Variants in IMPG2 observed in about 807,000 individuals in gnomAD.
IMPG2 encodes the protein IPM 200.
IMPG2 carries 91 observed loss-of-function variants against 129.2 expected under a neutral mutation model. The ratio of observed to expected loss-of-function variants is 0.70; its 90% CI spans 0.59 to 0.84. The LOEUF (loss-of-function observed/expected upper bound fraction) is 0.84. Among genes scored for constraint, IMPG2 ranks in the 40% least tolerant of loss-of-function variants. IMPG2 has a pLI of 0.00. For synonymous variants in IMPG2, 510 were observed against 517.7 expected, an observed-to-expected ratio of 0.99 and a Z score of 0.20; for missense variants, 1,430 against 1,461.7, an observed-to-expected ratio of 0.98 and a Z score of 0.35.
In IMPG2 at chr3:101,244,562, G is replaced by A. The variant is rs777492848; in HGVS notation, c.1769C>T (p.Ser590Phe). ...LKVSPFLPDA[S>F]MEKELIFDGG... is the part of the protein sequence containing the mutation. ...GTCAAATATTAACTCTTTTTCCATG[G>A]ATGCATCTGGCAGGAAAGGGCTCAC... The change falls in exon 13 of 19, where the codon TCC (serine) becomes TTC (phenylalanine). Residue 590 changes from serine (S) to phenylalanine (F), a missense_variant. Coordinates refer to ENST00000193391, the MANE Select transcript of IMPG2 (RefSeq NM_016247.4). 6.3e-7 allele frequency: 1 copy of A among 1,592,320 alleles called. No homozygotes were observed. Among genetic ancestry groups the A allele is most frequent in the Non-Finnish European group, 8.5e-7 (1 of 1,170,032 alleles).
Position 101,244,142 on chromosome 3 carries a change from G to C in IMPG2, c.2189C>G (p.Ser730Cys). ...CTGATCTGATTTATCAGTAGAGGCAGAGATTGCTACAGATGTCAGTATAAG... is the reference window on the plus strand; with the variant it reads ...CTGATCTGATTTATCAGTAGAGGCACAGATTGCTACAGATGTCAGTATAAG... ...APLILTSVAISASTDKSDQAD... is the reference protein window; with the variant it reads ...APLILTSVAICASTDKSDQAD... The change falls in exon 13 of 19, where the codon TCT (serine) becomes TGT (cysteine). Residue 730 changes from serine (S) to cysteine (C), a missense_variant. Coordinates refer to ENST00000193391, the MANE Select transcript of IMPG2 (RefSeq NM_016247.4). 1 of 1,614,120 alleles carries C rather than the reference G, an allele frequency of 6.2e-7. No homozygotes were observed. Among genetic ancestry groups the C allele is most frequent in the Non-Finnish European group, 8.5e-7 (1 of 1,180,012 alleles).
chr3:101,298,805 T>C (rs1217732844), intron 3 of IMPG2, among the ~76,000 whole-genome samples: 1 of 152,232 alleles, frequency 6.6e-6, no homozygotes, highest in Non-Finnish European at 1.5e-5. Context: ...TTGGCAACCC[T>C]GCCTTTGTCT....
chr3:101,235,856 A>G (rs1706339965), intron 14 of IMPG2, among the ~76,000 whole-genome samples: 1 of 152,190 alleles, frequency 6.6e-6, no homozygotes, highest in South Asian at 2.1e-4. Context: ...AGTAGAGGAA[A>G]GATGTGTAGA....
chr3:101,306,099 TG>T (rs1401558986), intron 2 of IMPG2, among the ~76,000 whole-genome samples: 1 of 152,230 alleles, frequency 6.6e-6, no homozygotes, highest in African/African-American at 2.4e-5. Flanking sequence ...TTTGATACCA[TG>T]GGTAACTTAC....
Position 101,244,651 on chromosome 3 carries a change from A to C in IMPG2, c.1680T>G (p.Tyr560Ter), listed in dbSNP as rs758291149. Residue 560 changes from tyrosine to a stop codon, truncating the protein, a stop_gained, in exon 13 of 19, where the codon TAT (tyrosine) becomes TAG (stop). Transcript: ENST00000193391. LOFTEE classifies it high-confidence loss of function. Reference sequence around the variant, plus strand: ...AGCCAAAAGGTATAGAAGAGGTCAGATATGGTGAAGATGTTAAGGACACAT... The same window carrying C: ...AGCCAAAAGGTATAGAAGAGGTCAGCTATGGTGAAGATGTTAAGGACACAT... ...DSDVSLTSSP[Y>*]LTSSIPFGLD... 1 of 1,613,752 alleles carries C rather than the reference A, an allele frequency of 6.2e-7. No individual in the cohort carries two copies. Among genetic ancestry groups the C allele is most frequent in the Non-Finnish European group, 8.5e-7 (1 of 1,179,908 alleles).
At chr3:101,317,241 T>C (rs1314440977) in intron 2 of IMPG2, among the ~76,000 whole-genome samples, 1 of 152,128 alleles carries the variant, frequency 6.6e-6, no homozygotes, top group Non-Finnish European at 1.5e-5. Flanking sequence ...TTCATTAAAA[T>C]ATACCTCAAT....
At position 101,319,608 on chromosome 3, in the gene IMPG2, G is replaced by A. The variant is rs756636951; in HGVS notation, c.310C>T (p.His104Tyr). The change falls in exon 2 of 19, where the codon CAT (histidine) becomes TAT (tyrosine). Residue 104 changes from histidine to tyrosine, a missense_variant. Physicochemically the swap from His to Tyr is moderately conservative, Grantham distance 83. Coordinates refer to ENST00000193391, the MANE Select transcript of IMPG2 (RefSeq NM_016247.4). ...DESVAEAVAN[H>Y]VKYFKVRVCQ... ...CCTCGGACTTTAAAATACTTCACAT[G>A]ATTTGCCACAGCCTCTGCAACACTT... 10 of 1,613,632 alleles carry A rather than the reference G, an allele frequency of 6.2e-6. No individual in the cohort carries two copies. Among genetic ancestry groups the A allele is most frequent in the Admixed American group, 3.3e-5 (2 of 59,916 alleles).
chr3:101,240,966 A>C (rs1706400681), intron 14 of IMPG2, among the ~76,000 whole-genome samples: 1 of 152,146 alleles, frequency 6.6e-6, no homozygotes. Flanking sequence ...GGAAGAAGAA[A>C]ATTTTACATT....
At chr3:101,271,419 G>C (rs1520654) in intron 7 of IMPG2, among the ~76,000 whole-genome samples, 19,549 of 152,172 alleles carry the variant, frequency 0.13, 1,318 homozygotes, top group Middle Eastern at 0.17. Flanking sequence ...GAAGTCATTC[G>C]ACTTCAACAT....
At chr3:101,310,394 G>A (rs1317541272) in intron 2 of IMPG2, among the ~76,000 whole-genome samples, 3 of 151,768 alleles carry the variant, frequency 2.0e-5, no homozygotes, top group Non-Finnish European at 4.4e-5. Flanking sequence ...TTGTCTCTAC[G>A]AAAATTACAA....
rs1332092855 is a variant in IMPG2 at position 101,252,961 on chromosome 3, A to G, written c.1239+735T>C. Among the ~76,000 whole-genome samples, 9 of 152,184 alleles carry G rather than the reference A, an allele frequency of 5.9e-5. No individual in the cohort carries two copies. The South Asian group carries it at 6.2e-4, about 10-fold the overall frequency. On this transcript the variant is annotated intron_variant, in intron 11 of 18. Coordinates refer to ENST00000193391, the MANE Select transcript of IMPG2 (RefSeq NM_016247.4). ...GTATATGATAACAAAAGATTCCTGT[A>G]TTCATTGTAGACAAGTAATTCTGTA...
At chr3:101,258,564 C>G (rs1433331687) in intron 9 of IMPG2, among the ~76,000 whole-genome samples, 1 of 151,920 alleles carries the variant, frequency 6.6e-6, no homozygotes, top group African/African-American at 2.4e-5. Context: ...TAGAAACAAG[C>G]TCTCTCTCTC....
chr3:101,229,063 A>G (rs150519687), intron 17 of IMPG2, among the ~76,000 whole-genome samples, 187 bp from the exon 18 acceptor site: 120 of 150,888 alleles, frequency 8.0e-4, no homozygotes, highest in African/African-American at 2.8e-3. Context: ...TACTCTGGAT[A>G]TTACATGTCC....
At chr3:101,253,438 G>A (rs1382104258) in intron 11 of IMPG2, among the ~76,000 whole-genome samples, 1 of 152,084 alleles carries the variant, frequency 6.6e-6, no homozygotes, top group Non-Finnish European at 1.5e-5. Context: ...TGAACAAGTA[G>A]GAACCATAAA....
intron 2 of IMPG2, among the ~76,000 whole-genome samples, chr3:101,317,392 A>G (rs1430531133): frequency 6.6e-6 from 1 of 152,168 alleles, no homozygotes; most frequent in Non-Finnish European, 1.5e-5. Flanking sequence ...ATTTGTTACA[A>G]CAACTAGCAA....
intron 9 of IMPG2, 117 bp downstream of exon 9, chr3:101,267,390 TCAGA>T: frequency 1.2e-6 from 1 of 866,000 alleles, no homozygotes; most frequent in East Asian, 2.5e-5. Context: ...TCTGAAAAAG[TCAGA>T]CAGTGATATT....
At chr3:101,291,327 T>C in intron 4 of IMPG2, 152 bp downstream of exon 4, 2 of 722,896 alleles carry the variant, frequency 2.8e-6, no homozygotes, top group Non-Finnish European at 5.1e-6. Context: ...GGCTTGGGAA[T>C]GAGGAAAAAT....
chr3:101,269,309 T>G (rs1195586954), intron 8 of IMPG2, among the ~76,000 whole-genome samples: 1 of 152,200 alleles, frequency 6.6e-6, no homozygotes, highest in Non-Finnish European at 1.5e-5. Context: ...ACCTAATATA[T>G]CTCTTTGAGT....
At chr3:101,281,138 A>G (rs1320363584) in intron 4 of IMPG2, among the ~76,000 whole-genome samples, 2 of 152,202 alleles carry the variant, frequency 1.3e-5, no homozygotes, top group East Asian at 3.8e-4. Flanking sequence ...TAATTTAACA[A>G]ATATTTAGTA....
Sources: gnomAD v4.1 joint callset for allele counts (sites outside exome capture counted in the v4.1 genomes callset) on GRCh38, gnomAD v4.1.1 for gene constraint, MANE v1.5 for transcripts, NCBI Gene and HGNC (gene_info 2026-07-23, HGNC 2026-07-21) for gene names.